CUBN: variants seen among roughly 807,000 people sequenced by gnomAD.
CUBN encodes the protein cubilin.
A neutral mutation model predicts 405.3 loss-of-function variants in CUBN; 282 were observed. That is an observed-to-expected ratio of 0.70 (90% CI 0.63 to 0.77). The LOEUF is 0.77. CUBN is among the 30% of genes least tolerant of loss of function. The pLI is 0.00. For missense variants in CUBN, 4,514 were observed against 4,475.2 expected, an observed-to-expected ratio of 1.01 and a Z score of -0.25; for synonymous variants, 1,684 against 1,617.0, an observed-to-expected ratio of 1.04 and a Z score of -0.99.
chr10:17,110,260 C>G (rs369659160), intron 9 of CUBN, among the ~76,000 whole-genome samples: 50 of 152,286 alleles, frequency 3.3e-4, no homozygotes, highest in South Asian at 3.1e-3. Context: ...GTTTAGTAAA[C>G]TTGGTATATG....
chr10:17,014,877 C>A (rs1834285436), intron 28 of CUBN, among the ~76,000 whole-genome samples: 1 of 152,164 alleles, frequency 6.6e-6, no homozygotes, highest in African/African-American at 2.4e-5. Flanking sequence ...TCCTCAAAGG[C>A]AAAGAGAAAC....
chr10:16,898,915 G>T, intron 54 of CUBN, 81 bp downstream of exon 54: 1 of 1,092,992 alleles, frequency 9.1e-7, no homozygotes, highest in Non-Finnish European at 1.4e-6. Context: ...CTTACTTTGA[G>T]CGACAATGAA....
chr10:17,048,375 C>T (rs1348537436), intron 22 of CUBN, among the ~76,000 whole-genome samples: 1 of 152,210 alleles, frequency 6.6e-6, no homozygotes, highest in Non-Finnish European at 1.5e-5. Flanking sequence ...ACAGTTTTAA[C>T]GTTACCTATT....
At chr10:16,998,774 T>C (rs997192174) in intron 28 of CUBN, among the ~76,000 whole-genome samples, 2 of 152,226 alleles carry the variant, frequency 1.3e-5, no homozygotes, top group African/African-American at 4.8e-5. Flanking sequence ...GGGTAAGATT[T>C]TCATGAAAAC....
chr10:16,966,676 T>G (rs1363286067), intron 31 of CUBN, among the ~76,000 whole-genome samples: 6 of 152,282 alleles, frequency 3.9e-5, no homozygotes, highest in Admixed American at 3.9e-4. Context: ...CTTGAACTCT[T>G]GACCTCAAAT....
At chr10:17,126,350 G>A (rs562660153) in intron 4 of CUBN, among the ~76,000 whole-genome samples, 19 of 152,258 alleles carry the variant, frequency 1.2e-4, no homozygotes, top group Admixed American at 6.5e-4. Context: ...AAGAAAATTC[G>A]GACTATTTTG....
intron 22 of CUBN, among the ~76,000 whole-genome samples, chr10:17,064,664 T>C (rs1835573233): frequency 6.6e-6 from 1 of 152,158 alleles, no homozygotes; most frequent in South Asian, 2.1e-4. Context: ...TAGGGAAACA[T>C]GAGCCTAACG....
At chr10:16,953,768 C>T (rs1842978597) in intron 32 of CUBN, among the ~76,000 whole-genome samples, 2 of 151,840 alleles carry the variant, frequency 1.3e-5, no homozygotes, top group African/African-American at 2.4e-5. Flanking sequence ...GGAGGATTGC[C>T]TGAGCCTGGG....
intron 58 of CUBN, among the ~76,000 whole-genome samples, chr10:16,870,692 T>C (rs1052780778): frequency 6.6e-6 from 1 of 152,232 alleles, no homozygotes; most frequent in Admixed American, 6.5e-5. Context: ...ATGACCACGA[T>C]GAGCAGAGCT....
chr10:16,848,533 C>T (rs920181482), intron 60 of CUBN, among the ~76,000 whole-genome samples: 1 of 151,972 alleles, frequency 6.6e-6, no homozygotes, highest in African/African-American at 2.4e-5. Context: ...GATGAGGAAT[C>T]GGGGAGATTA....
At chr10:17,087,719 C>A (rs570552902) in intron 15 of CUBN, among the ~76,000 whole-genome samples, 49 of 152,142 alleles carry the variant, frequency 3.2e-4, no homozygotes, top group African/African-American at 7.5e-4. Context: ...AAGTGATCTG[C>A]CCACCTTGGC....
chr10:16,987,766 A>C (rs1237036928), intron 29 of CUBN, among the ~76,000 whole-genome samples: 4 of 152,230 alleles, frequency 2.6e-5, no homozygotes, highest in African/African-American at 4.8e-5. Context: ...TTCCACCACC[A>C]TTAGCCCAAT....
chr10:16,929,379 AAT>A (rs1842303005), intron 40 of CUBN, among the ~76,000 whole-genome samples: 2 of 152,194 alleles, frequency 1.3e-5, no homozygotes. Flanking sequence ...TGGCTGGGAA[AAT>A]ATGTTGTTTT....
In CUBN at chr10:16,915,005, T is replaced by C. The variant is rs373523018; in HGVS notation, c.7351+27A>G. 1.0e-5 allele frequency: 16 copies of C among 1,604,728 alleles called. No individual in the cohort carries two copies. In the Middle Eastern group the frequency reaches 1.1e-3, roughly 110 times the overall value. ...GTCTGTCCAATGCAGGTGCTCAATG[T>C]TGTGTTGAATGAATCAATGAACTCA... On this transcript the variant is annotated intron_variant, in intron 47 of 66. Coordinates refer to ENST00000377833, the MANE Select transcript of CUBN (RefSeq NM_001081.4).
intron 28 of CUBN, among the ~76,000 whole-genome samples, chr10:16,999,795 T>C (rs1588566565): frequency 1.3e-5 from 2 of 152,342 alleles, no homozygotes; most frequent in Middle Eastern, 6.8e-3. Flanking sequence ...ATTATTTTGG[T>C]ACACAGGGCT....
intron 19 of CUBN, among the ~76,000 whole-genome samples, chr10:17,069,140 T>A (rs1020264192): frequency 6.6e-6 from 1 of 152,236 alleles, no homozygotes. Context: ...TCTTTTTTAA[T>A]GCCTTGTAAT....
At chr10:16,957,181 A>G (rs74116781) in intron 31 of CUBN, among the ~76,000 whole-genome samples, 3,240 of 152,252 alleles carry the variant, frequency 0.021, 127 homozygotes, top group African/African-American at 0.075. Context: ...ATATCTCCCC[A>G]TAATTTCCTC....
At position 17,085,640 on chromosome 10, in the gene CUBN, C is replaced by T. The variant is rs1408519313; in HGVS notation, c.2067G>A (p.Gln689=). 6.2e-6 allele frequency: 10 copies of T among 1,613,958 alleles called. No homozygotes were observed. Among genetic ancestry groups the T allele is most frequent in the Non-Finnish European group, 8.5e-6 (10 of 1,180,008 alleles). ...FARIHFHSDS[Q]ISDQGFHITY... is the part of the protein sequence containing the mutation. ...TGATATGGAAGCCTTGGTCACTAAT[C>T]TGGGAGTCTGAATGGAAGTGAATTC... is the stretch of plus-strand genomic sequence containing the variant. Residue 689 remains glutamine (Q), a synonymous_variant, in exon 16 of 67, where the codon CAG becomes CAA. Coordinates refer to ENST00000377833, the MANE Select transcript of CUBN (RefSeq NM_001081.4).
rs200248284 is a variant in CUBN, at chr10:16,913,982, C to T, written c.7362G>A (p.Gly2454=). 1.9e-6 allele frequency: 3 copies of T among 1,613,920 alleles called. No individual in the cohort carries two copies. The highest frequency in any genetic ancestry group is 2.7e-5 in the African/African-American group (2 of 74,986). ...RFESSMEECG[G]DLQGSIGTFT... The stretch of plus-strand genomic sequence containing the variant: ...ATGTTCCAATAGAGCCCTGAAGATC[C>T]CCACCACACTCTGACGTGGGGAAAA... The change falls in exon 48 of 67, where the codon GGG becomes GGA. Residue 2454 remains glycine, a synonymous_variant. Transcript: ENST00000377833.
Sources: allele counts gnomAD v4.1 joint callset (sites outside exome capture counted in the v4.1 genomes callset), GRCh38; gene constraint gnomAD v4.1.1; transcripts MANE v1.5; gene names NCBI Gene and HGNC (gene_info 2026-07-23, HGNC 2026-07-21).